The following NCOR2 variants were observed in gnomAD, a reference collection of about 807,000 sequenced individuals.
NCOR2 encodes the protein nuclear receptor corepressor 2, also known as CTG repeat protein 26.
A neutral mutation model predicts 262.9 loss-of-function variants in NCOR2; 81 were observed. The observed-to-expected ratio is 0.31, with a 90% CI of 0.26 to 0.37. The LOEUF is 0.37. Ranked by LOEUF, NCOR2 falls within the 10% of genes least tolerant of loss-of-function variation. The probability of loss-of-function intolerance (pLI) is 1.00; values close to 1 mark genes in which losing one functional copy is unlikely to be tolerated. For missense variants in NCOR2, 3,385 were observed against 3,621.4 expected, an observed-to-expected ratio of 0.93 and a Z score of 1.68; for synonymous variants, 1,659 against 1,559.3, an observed-to-expected ratio of 1.06 and a Z score of -1.51.
chr12:124,486,340 C>A, intron 2 of NCOR2, 101 bp downstream of exon 4: 1 of 1,522,312 alleles, frequency 6.6e-7, no homozygotes, highest in South Asian at 1.2e-5. Flanking sequence ...CCCCTCATTT[C>A]ACAGGACCCT....
chr12:124,377,495 CAGAT>C (rs769067516), intron 18 of NCOR2, among the ~76,000 whole-genome samples: 20 of 152,300 alleles, frequency 1.3e-4, no homozygotes, highest in South Asian at 1.0e-3. Context: ...TACCGACTGA[CAGAT>C]AGGTTCTATT....
chr12:124,417,102 C>CAGGCCGGACAGTCACTCCATGGAGAGG (rs2042928927), intron 13 of NCOR2, among the ~76,000 whole-genome samples: 3 of 151,694 alleles, frequency 2.0e-5, no homozygotes, highest in Admixed American at 6.6e-5. Flanking sequence ...CCACGGAGAG[C>CAGGCCGGACAGTCACTCCATGGAGAGG]AGGCCGGACA....
At chr12:124,513,235 T>C (rs1480914455) in intron 1 of NCOR2, 2 of 152,238 alleles carry the variant, frequency 1.3e-5, no homozygotes, top group African/African-American at 2.4e-5. Context: ...AACAAAGGGC[T>C]CATTGTCATG....
exon 5 of NCOR2, chr12:124,466,184 C>G: frequency 1.9e-6 from 3 of 1,608,238 alleles, no homozygotes; most frequent in Non-Finnish European, 2.5e-6. Flanking sequence ...CGGTTCTCGT[C>G]GTAGATGATC....
chr12:124,437,900 A>G (rs1338753525), intron 8 of NCOR2, 30 bp downstream of exon 10: 1 of 1,600,666 alleles, frequency 6.2e-7, no homozygotes. Context: ...ATCTCAAGGA[A>G]AGCTGATGGG....
At chr12:124,492,113 G>C (rs925114599) in intron 1 of NCOR2, among the ~76,000 whole-genome samples, 6 of 152,366 alleles carry the variant, frequency 3.9e-5, no homozygotes, top group East Asian at 3.9e-4. Flanking sequence ...CACAGGCAGA[G>C]GCAGCGGCTT....
chr12:124,476,161 G>A (rs1401911694), intron 3 of NCOR2, among the ~76,000 whole-genome samples: 1 of 152,196 alleles, frequency 6.6e-6, no homozygotes, highest in Non-Finnish European at 1.5e-5. Context: ...TCATGCGTCT[G>A]GCACCCCCGG....
intron 40 of NCOR2, 33 bp downstream of exon 42, chr12:124,335,102 G>A: frequency 1.2e-6 from 2 of 1,612,310 alleles, no homozygotes; most frequent in Admixed American, 1.7e-5. Flanking sequence ...CAGGTGCAAA[G>A]GTGACAAGCA....
At chr12:124,474,711 T>C (rs571361436) in intron 3 of NCOR2, among the ~76,000 whole-genome samples, 3 of 152,258 alleles carry the variant, frequency 2.0e-5, no homozygotes, top group African/African-American at 7.2e-5. Flanking sequence ...TTGTGAGTCT[T>C]GAATGAGTTA....
rs532934587 is a variant in NCOR2, at chr12:124,481,941, G to C, written c.411+1655C>G. On this transcript the variant is annotated intron_variant, in intron 3 of 46. Coordinates refer to ENST00000405201, the Ensembl canonical transcript of NCOR2. This position sits in a 1 kb window ranked among gnomAD's most constrained non-coding sequence, Gnocchi z 4.6. ...GAGCAATGACGAGCTCAGGCCGGGG[G>C]TTGCCTCAGGTGTGGGCAGAAGGCT... is the stretch of plus-strand genomic sequence containing the variant. Among the ~76,000 whole-genome samples, 7 of 152,132 alleles carry C rather than the reference G, an allele frequency of 4.6e-5. No homozygotes were observed. The highest frequency in any genetic ancestry group is 1.7e-4 in the African/African-American group (7 of 41,406).
At chr12:124,395,360 A>T (rs1053300400) in intron 16 of NCOR2, among the ~76,000 whole-genome samples, 1 of 151,488 alleles carries the variant, frequency 6.6e-6, no homozygotes, top group Non-Finnish European at 1.5e-5. Flanking sequence ...CATCGCCTGG[A>T]ACACACAGCC....
chr12:124,325,482 C>A, exon 47 of NCOR2: 4 of 1,336,140 alleles, frequency 3.0e-6, no homozygotes, highest in Non-Finnish European at 3.8e-6. Context: ...TGGGGGCCAG[C>A]GAGGGGCCCG....
In NCOR2 at chr12:124,335,188, C is replaced by T. The variant is rs373202860; in HGVS notation, c.6358G>A (p.Ala2120Thr). ...CGCTGGTGACCTTTGACCCCTGGGG[C>T]GGTCTGGAGCAGCGGGCTGGACGAG... is the stretch of plus-strand genomic sequence containing the variant. The change falls in exon 40 of 47, where the codon GCC becomes ACC. Residue 2120 changes from alanine to threonine, a missense_variant. Transcript: ENST00000405201. 1.1e-5 allele frequency: 17 copies of T among 1,611,394 alleles called. No homozygotes were observed. The highest frequency in any genetic ancestry group is 1.7e-5 in the Admixed American group (1 of 59,986).
rs1427351364 is a variant in NCOR2 at position 124,432,678 on chromosome 12, C to A, written c.883-1891G>T. ...TCCCCAGCCTCACCCCAAGGACCAG[C>A]TGTGAGGACCCCAGCAGCTCCCAGA... is the stretch of plus-strand genomic sequence containing the variant. On this transcript the variant is annotated intron_variant, in intron 8 of 46. Coordinates refer to ENST00000405201, the Ensembl canonical transcript of NCOR2. This position sits in a 1 kb window ranked among gnomAD's most constrained non-coding sequence, Gnocchi z 5.1. 6.6e-6 allele frequency among the ~76,000 whole-genome samples: 1 copy of A among 152,216 alleles called. No homozygotes were observed. The highest frequency in any genetic ancestry group is 1.5e-5 in the Non-Finnish European group (1 of 68,036).
At chr12:124,420,109 C>T (rs933975106) in intron 12 of NCOR2, 54 bp from the exon 15 acceptor site, 2 of 1,444,322 alleles carry the variant, frequency 1.4e-6, no homozygotes, top group Non-Finnish European at 1.9e-6. Context: ...GCATTCAGGG[C>T]AGGAGCCAGG....
exon 20 of NCOR2, chr12:124,372,357 C>T: frequency 6.6e-7 from 1 of 1,514,964 alleles, no homozygotes. Flanking sequence ...CCTTCTCCTC[C>T]TTGGGGACCA....
At chr12:124,435,311 A>C (rs1331765002) in intron 8 of NCOR2, among the ~76,000 whole-genome samples, 2 of 152,154 alleles carry the variant, frequency 1.3e-5, no homozygotes, top group African/African-American at 4.8e-5. Context: ...GGTATCTCTT[A>C]ACTTGATAAA....
chr12:124,372,455 C>T lies in NCOR2; in HGVS notation c.2374G>A (p.Ala792Thr), dbSNP rs1180422025. The T allele has an allele frequency of 5.8e-6, 9 of 1,544,004 alleles. No homozygotes were observed. In the South Asian group the frequency reaches 8.5e-5, roughly 15 times the overall value. Residue 792 changes from alanine (A) to threonine (T), a missense_variant, in exon 20 of 47, where the codon GCC (alanine) becomes ACC (threonine). Physicochemically the swap from Ala to Thr is moderately conservative, Grantham distance 58 (BLOSUM62 0). Coordinates refer to ENST00000405201, the Ensembl canonical transcript of NCOR2. ...GAGGCCGGGGTGGGCTCAGTGGGGG[C>T]CGGGATGTCCTCCGGTGGTGGGGTG...
intron 21 of NCOR2, among the ~76,000 whole-genome samples, chr12:124,362,620 G>A (rs1458822860): frequency 6.8e-6 from 1 of 147,598 alleles, no homozygotes; most frequent in South Asian, 2.2e-4. Flanking sequence ...TGGACAGGGG[G>A]AGCCCACCTC....
Sources: allele counts gnomAD v4.1 joint callset (sites outside exome capture counted in the v4.1 genomes callset), GRCh38; gene constraint gnomAD v4.1.1; non-coding constraint Gnocchi (gnomAD v3.1); transcripts MANE v1.5; gene names NCBI Gene and HGNC (gene_info 2026-07-23, HGNC 2026-07-21).